Variants in CBLN2 observed in about 807,000 individuals in gnomAD.
The protein encoded by CBLN2 is cerebellin-2.
Under a neutral mutation model 15.0 loss-of-function variants are expected in CBLN2, and 7 were observed. The observed-to-expected ratio is 0.47, with a 90% CI of 0.27 to 0.88. The LOEUF is 0.88. Ranked by LOEUF, CBLN2 falls within the 40% of genes least tolerant of loss-of-function variation. CBLN2 has a pLI of 0.14. For synonymous variants in CBLN2, 149 were observed against 135.2 expected (o/e 1.10, Z -0.71); for missense variants, 242 against 304.5 (o/e 0.79, Z 1.53).
intron 1 of CBLN2, among the ~76,000 whole-genome samples, chr18:72,591,501 AT>A (rs2069479603): frequency 6.6e-6 from 1 of 152,196 alleles, no homozygotes; most frequent in African/African-American, 2.4e-5. Flanking sequence ...TGTGTTACAA[AT>A]AAGCCAATTA....
intron 1 of CBLN2, among the ~76,000 whole-genome samples, chr18:72,574,697 G>A (rs2069353594): frequency 6.6e-6 from 1 of 152,160 alleles, no homozygotes; most frequent in South Asian, 2.1e-4. Context: ...TATTCTAAAG[G>A]CTTAATTTTC....
chr18:72,636,226 G>A (rs1241426395), intron 1 of CBLN2, among the ~76,000 whole-genome samples: 1 of 152,086 alleles, frequency 6.6e-6, no homozygotes, highest in Non-Finnish European at 1.5e-5. Flanking sequence ...AGTTACGTAG[G>A]TATTGAAAAT....
chr18:72,630,144 A>C (rs1207504690), intron 1 of CBLN2, among the ~76,000 whole-genome samples: 1 of 152,144 alleles, frequency 6.6e-6, no homozygotes, highest in Admixed American at 6.6e-5. Flanking sequence ...TAAAACTGTC[A>C]ATCCCCTGGA....
intron 3 of CBLN2, among the ~76,000 whole-genome samples, chr18:72,540,957 A>AT (rs1242187282): frequency 6.6e-6 from 1 of 152,212 alleles, no homozygotes; most frequent in Non-Finnish European, 1.5e-5. Context: ...GTTTTTAATT[A>AT]TTTTTCTGAA....
Position 72,595,043 on chromosome 18 carries a change from A to T in CBLN2, c.15+43282T>A, listed in dbSNP as rs1159871123. On this transcript the variant is annotated intron_variant, in intron 1 of 2. Transcript: ENST00000581073. ...TTTAATTTCATTGATTTCTGCTCTG[A>T]TCTTTATTATTTCTTTTCTTCTACT... 2.8e-5 allele frequency among the ~76,000 whole-genome samples: 4 copies of T among 144,676 alleles called. No homozygotes were observed. The South Asian group carries it at 8.7e-4, about 32-fold the overall frequency. 94.9% of individuals were successfully genotyped at this position (144,676 alleles called of 152,430 possible). A position where few individuals can be genotyped will look rare whatever the true frequency, so the allele number is the denominator to read the frequency against.
intron 1 of CBLN2, chr18:72,618,727 G>A: frequency 1.4e-6 from 1 of 719,216 alleles, no homozygotes; most frequent in South Asian, 1.3e-5. Context: ...AATCTTTGAT[G>A]ACCATGACTC....
intron 1 of CBLN2, among the ~76,000 whole-genome samples, chr18:72,626,160 A>AT (rs2069738273): frequency 1.3e-5 from 2 of 151,872 alleles, no homozygotes; most frequent in African/African-American, 4.8e-5. Context: ...TTTCATTTTT[A>AT]TTTTTTTGTC....
intron 1 of CBLN2, among the ~76,000 whole-genome samples, chr18:72,582,345 G>A (rs1012900989): frequency 3.9e-5 from 6 of 152,208 alleles, no homozygotes; most frequent in Admixed American, 2.6e-4. Flanking sequence ...TGGAGCATCC[G>A]GGAACAGTAT....
chr18:72,625,603 G>A (rs2144971855), intron 1 of CBLN2, among the ~76,000 whole-genome samples: 1 of 148,758 alleles, frequency 6.7e-6, no homozygotes, highest in South Asian at 2.1e-4. Flanking sequence ...AAGTAAATGA[G>A]TCTGAGGGTA....
upstream of CBLN2, among the ~76,000 whole-genome samples, chr18:72,546,956 A>G (rs1382513820): frequency 6.6e-6 from 1 of 152,206 alleles, no homozygotes; most frequent in African/African-American, 2.4e-5. Flanking sequence ...TGTTGGATCC[A>G]TCAATTCCAC....
At chr18:72,618,592 G>A (rs1228104531) in intron 1 of CBLN2, 4 of 941,492 alleles carry the variant, frequency 4.2e-6, no homozygotes, top group South Asian at 3.8e-5. Context: ...TATACGTGTT[G>A]GTGGCATTAA....
At chr18:72,623,600 C>T (rs1453243653) in intron 1 of CBLN2, among the ~76,000 whole-genome samples, 1 of 152,090 alleles carries the variant, frequency 6.6e-6, no homozygotes, top group Non-Finnish European at 1.5e-5. Context: ...TTTGTACAAA[C>T]CTCAGAAACC....
At chr18:72,557,746 TGCCTTTTCAGAG>T (rs1397219412) in intron 1 of CBLN2, among the ~76,000 whole-genome samples, 4 of 152,088 alleles carry the variant, frequency 2.6e-5, no homozygotes, top group Non-Finnish European at 4.4e-5. Context: ...TACATACTAC[TGCCTTTTCAGAG>T]GTGGGGTGCG....
intron 1 of CBLN2, among the ~76,000 whole-genome samples, chr18:72,552,140 A>T (rs893376753): frequency 2.0e-4 from 30 of 149,588 alleles, no homozygotes; most frequent in African/African-American, 7.2e-4. Context: ...CTTTTTGCCC[A>T]GGCTGGTACG....
intron 1 of CBLN2, among the ~76,000 whole-genome samples, chr18:72,580,619 T>G (rs1401963367): frequency 6.6e-6 from 1 of 152,226 alleles, no homozygotes; most frequent in African/African-American, 2.4e-5. Flanking sequence ...TTTCATCATT[T>G]GTTCACATTA....
intron 1 of CBLN2, among the ~76,000 whole-genome samples, chr18:72,590,154 A>C (rs2069470607): frequency 6.6e-6 from 1 of 152,174 alleles, no homozygotes; most frequent in South Asian, 2.1e-4. Context: ...AGTCCCAGCT[A>C]CTCAGGAGGC....
chr18:72,637,362 A>C (rs1343873577), intron 1 of CBLN2, among the ~76,000 whole-genome samples: 2 of 152,150 alleles, frequency 1.3e-5, no homozygotes, highest in African/African-American at 4.8e-5. Context: ...ATGAATTGCA[A>C]AGAATCAGAT....
intron 4 of CBLN2, 26 bp from the exon 5 acceptor site, chr18:72,538,399 C>T (rs1198498243): frequency 6.2e-7 from 1 of 1,612,192 alleles, no homozygotes; most frequent in Admixed American, 1.7e-5. Context: ...TAGAGCTCAG[C>T]AGACCATAAA....
At chr18:72,587,972 A>T (rs1242980650) in intron 1 of CBLN2, among the ~76,000 whole-genome samples, 1 of 152,214 alleles carries the variant, frequency 6.6e-6, no homozygotes, top group South Asian at 2.1e-4. Context: ...GATATTTGGC[A>T]TTACCTAATA....
Sources: gnomAD v4.1 joint callset for allele counts (sites outside exome capture counted in the v4.1 genomes callset) on GRCh38, gnomAD v4.1.1 for gene constraint, MANE v1.5 for transcripts, NCBI Gene and HGNC (gene_info 2026-07-23, HGNC 2026-07-21) for gene names.